Variants in SVEP1 observed in about 807,000 individuals in gnomAD.
SVEP1 encodes the protein sushi, von Willebrand factor type A, EGF and pentraxin domain containing 1, also known as sushi, von Willebrand factor type A, EGF and pentraxin domain-containing protein 1.
Under a neutral mutation model 367.3 loss-of-function variants are expected in SVEP1, and 164 were observed. The observed-to-expected ratio is 0.45, with a 90% CI of 0.39 to 0.51. SVEP1 has a LOEUF of 0.51. Among genes scored for constraint, SVEP1 ranks in the 20% least tolerant of loss-of-function variants. The pLI is 0.00. For synonymous variants in SVEP1, 1,666 were observed against 1,611.6 expected, an observed-to-expected ratio of 1.03 and a Z score of -0.81; for missense variants, 4,117 against 4,425.3, an observed-to-expected ratio of 0.93 and a Z score of 1.98.
At chr9:110,506,312 A>G (rs1380383434) in intron 5 of SVEP1, among the ~76,000 whole-genome samples, 1 of 152,184 alleles carries the variant, frequency 6.6e-6, no homozygotes, top group East Asian at 1.9e-4. Flanking sequence ...ATGGGCAAAG[A>G]CCTCATGACT....
At chr9:110,433,288 G>C (rs1468693814) in intron 30 of SVEP1, among the ~76,000 whole-genome samples, 1 of 148,594 alleles carries the variant, frequency 6.7e-6, no homozygotes, top group African/African-American at 2.5e-5. Context: ...TGTTCTAGGT[G>C]CTGGAGTTAC....
intron 5 of SVEP1, among the ~76,000 whole-genome samples, chr9:110,508,998 A>G (rs141260240): frequency 2.0e-5 from 3 of 152,290 alleles, no homozygotes; most frequent in East Asian, 1.9e-4. Context: ...AAAGTATAAT[A>G]TAACTAAAAT....
At chr9:110,387,738 G>A (rs974327754) in intron 41 of SVEP1, among the ~76,000 whole-genome samples, 8 of 152,102 alleles carry the variant, frequency 5.3e-5, no homozygotes, top group African/African-American at 1.9e-4. Flanking sequence ...GAGCAGGTGG[G>A]TAAAATAAAA....
chr9:110,443,789 C>T (rs1828550213), intron 26 of SVEP1, 69 bp from the exon 27 acceptor site: 1 of 1,322,574 alleles, frequency 7.6e-7, no homozygotes, highest in Non-Finnish European at 9.9e-7. Context: ...GTGGGGCATG[C>T]TACAATTTTT....
chr9:110,367,605 C>T, intron 47 of SVEP1, among the ~76,000 whole-genome samples: 1 of 152,190 alleles, frequency 6.6e-6, no homozygotes, highest in Non-Finnish European at 1.5e-5. Context: ...GACTCTCCTC[C>T]CTTTTACCCA....
At chr9:110,435,202 C>A in intron 29 of SVEP1, 39 bp downstream of exon 29, 1 of 1,605,812 alleles carries the variant, frequency 6.2e-7, no homozygotes, top group South Asian at 1.1e-5. Flanking sequence ...CCAGGGTGGT[C>A]AAGAGATAGT....
At chr9:110,499,500 C>T (rs892152610) in intron 6 of SVEP1, among the ~76,000 whole-genome samples, 1 of 152,128 alleles carries the variant, frequency 6.6e-6, no homozygotes, top group African/African-American at 2.4e-5. Context: ...CTGATTTTGA[C>T]TTTTATCATT....
chr9:110,406,992 T>C lies in SVEP1; in HGVS notation c.8608A>G (p.Ser2870Gly), dbSNP rs1372450746. 1 of 1,613,836 alleles carries C rather than the reference T, an allele frequency of 6.2e-7. No individual in the cohort carries two copies. Among genetic ancestry groups the C allele is most frequent in the Admixed American group, 1.7e-5 (1 of 60,002 alleles). Residue 2870 changes from serine (S) to glycine (G), a missense_variant, in exon 38 of 48, where the codon AGT (serine) becomes GGT (glycine). Physicochemically the swap from Ser to Gly is moderately conservative, Grantham distance 56. This residue lies in a region of SVEP1 where 1,765 missense variants were observed against 1,781.1 expected (regional missense o/e 0.99). Coordinates refer to ENST00000374469, the MANE Select transcript of SVEP1 (RefSeq NM_153366.4). Reference sequence around the variant, plus strand: ...CTTCCATTGGCAAGACAAACCCGACTCCTGGCTCCCTCAAGCAAGAACCCT... The same window carrying C: ...CTTCCATTGGCAAGACAAACCCGACCCCTGGCTCCCTCAAGCAAGAACCCT... ...NEGFLLEGAR[S>G]RVCLANGSWS... is the part of the protein sequence containing the mutation.
At chr9:110,424,821 TGCACCACCACACCCA>T (rs1392305337) in intron 36 of SVEP1, among the ~76,000 whole-genome samples, 1 of 152,134 alleles carries the variant, frequency 6.6e-6, no homozygotes, top group Non-Finnish European at 1.5e-5. Context: ...ATTATAGGCA[TGCACCACCACACCCA>T]GCTAATTTTG....
intron 10 of SVEP1, 51 bp downstream of exon 10, chr9:110,483,535 A>T: frequency 7.3e-7 from 1 of 1,369,252 alleles, no homozygotes; most frequent in Non-Finnish European, 9.9e-7. Flanking sequence ...TTTTTAAAAT[A>T]AAAAAGAATT....
intron 1 of SVEP1, among the ~76,000 whole-genome samples, chr9:110,565,080 G>A (rs1407325538): frequency 6.6e-6 from 1 of 152,056 alleles, no homozygotes; most frequent in Admixed American, 6.6e-5. Flanking sequence ...GCAAGGTTTT[G>A]GGGTTTTGTT....
intron 3 of SVEP1, among the ~76,000 whole-genome samples, chr9:110,522,800 C>T (rs987149488): frequency 4.6e-5 from 7 of 152,140 alleles, no homozygotes; most frequent in Admixed American, 3.9e-4. Flanking sequence ...CTCTACCTCA[C>T]ATTCAATAAG....
At chr9:110,505,633 C>A (rs1171540156) in intron 5 of SVEP1, among the ~76,000 whole-genome samples, 1 of 152,110 alleles carries the variant, frequency 6.6e-6, no homozygotes, top group Non-Finnish European at 1.5e-5. Flanking sequence ...CTTCCAGCTC[C>A]TTTGAAGTAT....
At chr9:110,524,699 A>ATATTATTATTATTAT (rs143284905) in intron 3 of SVEP1, among the ~76,000 whole-genome samples, 3 of 150,284 alleles carry the variant, frequency 2.0e-5, no homozygotes, top group Admixed American at 6.6e-5. Context: ...AATCATACAA[A>ATATTATTATTATTAT]TGTTATTATT....
At chr9:110,406,045 T>A in intron 38 of SVEP1, 115 bp downstream of exon 38, 1 of 1,328,466 alleles carries the variant, frequency 7.5e-7, no homozygotes, top group Non-Finnish European at 9.9e-7. Flanking sequence ...CACCAGTGTT[T>A]GGAGAGCAGT....
intron 1 of SVEP1, 114 bp downstream of exon 1, chr9:110,578,899 C>A (rs1351613973): frequency 1.2e-5 from 14 of 1,193,484 alleles, no homozygotes; most frequent in Non-Finnish European, 1.5e-5. Context: ...GGACGCTTGA[C>A]TTGGGGTGGT....
chr9:110,507,756 G>A (rs1049188788), intron 5 of SVEP1, among the ~76,000 whole-genome samples: 7 of 152,104 alleles, frequency 4.6e-5, no homozygotes, highest in Non-Finnish European at 8.8e-5. Context: ...GTATCCCAAG[G>A]CAAAGTATGA....
Position 110,489,724 on chromosome 9 carries a change from T to C in SVEP1, c.1856A>G (p.Asp619Gly). Residue 619 changes from aspartate to glycine, a missense_variant, in exon 9 of 48, where the codon GAT becomes GGT. Asp to Gly is a moderately conservative substitution (Grantham distance 94, BLOSUM62 -1). Transcript: ENST00000374469. ...FTPPYLFPIG[D>G]VAIVYTATDL... is the part of the protein sequence containing the mutation. The stretch of plus-strand genomic sequence containing the variant: ...AGTTGCCGTGTATACGATAGCAACA[T>C]CTCCAATTGGGAAAAGGTAAGGTGG... The C allele has an allele frequency of 6.2e-7, 1 of 1,613,578 alleles. No homozygotes were observed. The highest frequency in any genetic ancestry group is 1.7e-5 in the Admixed American group (1 of 59,990).
chr9:110,467,126 A>C (rs1174292151), intron 17 of SVEP1, among the ~76,000 whole-genome samples: 1 of 152,224 alleles, frequency 6.6e-6, no homozygotes, highest in Non-Finnish European at 1.5e-5. Context: ...ATGGCAAAGA[A>C]GCACACTTTT....
Sources: gnomAD v4.1 joint callset for allele counts (sites outside exome capture counted in the v4.1 genomes callset) on GRCh38, gnomAD v4.1.1 for gene constraint, gnomAD v4.1.1 regional missense constraint, MANE v1.5 for transcripts, NCBI Gene and HGNC (gene_info 2026-07-23, HGNC 2026-07-21) for gene names.